The following RAB38 variants were observed in gnomAD, a reference collection of about 807,000 sequenced individuals.
RAB38 encodes RAB38, member RAS oncogene family.
A neutral mutation model predicts 18.4 loss-of-function variants in RAB38; 15 were observed. The ratio of observed to expected loss-of-function variants is 0.82; its 90% CI spans 0.55 to 1.26. RAB38 has a LOEUF of 1.26. RAB38 is among the 50% of genes most tolerant of loss of function. The pLI, the probability that RAB38 is intolerant of heterozygous loss-of-function variation, is 0.00. For missense variants in RAB38, 294 were observed against 267.4 expected (o/e 1.10, Z -0.69); for synonymous variants, 101 against 104.4 (o/e 0.97, Z 0.20).
the RAB38 span, among the ~76,000 whole-genome samples, chr11:87,974,706 C>T: frequency 6.6e-6 from 1 of 150,660 alleles, no homozygotes; most frequent in African/African-American, 2.4e-5. Context: ...AAAACCAAGC[C>T]TGCTGAAAAG....
intron 2 of RAB38, among the ~76,000 whole-genome samples, chr11:88,128,265 G>T (rs942067328): frequency 3.9e-5 from 6 of 152,118 alleles, no homozygotes; most frequent in Admixed American, 1.3e-4. Context: ...CTTTTTTCCA[G>T]ATAGAATTGA....
intron 2 of RAB38, among the ~76,000 whole-genome samples, chr11:88,114,522 C>A (rs370011620): frequency 6.6e-6 from 1 of 152,100 alleles, no homozygotes; most frequent in Non-Finnish European, 1.5e-5. Context: ...ATTTTTGTGA[C>A]CTTGATATAA....
At chr11:87,884,522 A>G in the RAB38 span, among the ~76,000 whole-genome samples, 1 of 151,934 alleles carries the variant, frequency 6.6e-6, no homozygotes, top group Non-Finnish European at 1.5e-5. Context: ...GGGCCTTCAC[A>G]TAGCAATGGG....
the RAB38 span, among the ~76,000 whole-genome samples, chr11:88,027,779 G>C: frequency 1.3e-5 from 2 of 152,228 alleles, no homozygotes; most frequent in South Asian, 4.1e-4. Context: ...TGCCTCTGTA[G>C]GCTCCACCTC....
chr11:87,914,454 G>A, the RAB38 span, among the ~76,000 whole-genome samples: 1 of 152,128 alleles, frequency 6.6e-6, no homozygotes, highest in African/African-American at 2.4e-5. Context: ...CAATAGCAAA[G>A]TCTCCAAGAA....
At chr11:88,046,167 G>A in the RAB38 span, among the ~76,000 whole-genome samples, 1 of 152,032 alleles carries the variant, frequency 6.6e-6, no homozygotes, top group African/African-American at 2.4e-5. Flanking sequence ...CCCCACTCAA[G>A]GCCAATATCC....
At chr11:88,138,399 T>TG (rs142374972) in intron 2 of RAB38, among the ~76,000 whole-genome samples, 8,609 of 152,246 alleles carry the variant, frequency 0.057, 360 homozygotes, top group Middle Eastern at 0.16. Flanking sequence ...ACTGAAAAGA[T>TG]GGGGAAGTGG....
At chr11:88,171,660 A>C (rs1020226036) in intron 1 of RAB38, among the ~76,000 whole-genome samples, 1 of 152,240 alleles carries the variant, frequency 6.6e-6, no homozygotes, top group African/African-American at 2.4e-5. Flanking sequence ...CATTCATAAG[A>C]ATAAGGGCTT....
rs745590554 is a variant in RAB38, at chr11:88,175,273, A to T, written c.112T>A (p.Tyr38Asn). The stretch of plus-strand genomic sequence containing the variant: ...AAGTCCACGCCGATTGTGGCCCGGT[A>T]GTGCGAAGAGAAGTTCTGGTGCACG... ...RYVHQNFSSHYRATIGVDFAL... is the reference protein window; with the variant it reads ...RYVHQNFSSHNRATIGVDFAL... Residue 38 changes from tyrosine to asparagine, a missense_variant, in exon 1 of 3, where the codon TAC (tyrosine) becomes AAC (asparagine). By Grantham distance (143) the Tyr-to-Asn change is moderately radical. Transcript: ENST00000243662. The T allele has an allele frequency of 3.1e-6, 5 of 1,614,076 alleles. No homozygotes were observed. In the Admixed American group the frequency reaches 8.3e-5, roughly 27 times the overall value.
chr11:87,943,466 A>G, the RAB38 span, among the ~76,000 whole-genome samples: 3 of 152,120 alleles, frequency 2.0e-5, no homozygotes, highest in Admixed American at 2.0e-4. Context: ...TTCAACAAAG[A>G]TACATAGAGG....
chr11:88,094,346 G>C, the RAB38 span, among the ~76,000 whole-genome samples: 101,034 of 151,740 alleles, frequency 0.67, 33,841 homozygotes, highest in African/African-American at 0.72. Context: ...TAGGCACATG[G>C]ATCAATTTTC....
At chr11:87,965,318 C>T in the RAB38 span, among the ~76,000 whole-genome samples, 1 of 151,458 alleles carries the variant, frequency 6.6e-6, no homozygotes, top group Non-Finnish European at 1.5e-5. Context: ...GATTACTGTG[C>T]TTGGGAAGGG....
the RAB38 span, among the ~76,000 whole-genome samples, chr11:88,043,651 CT>C: frequency 7.1e-6 from 1 of 139,862 alleles, no homozygotes; most frequent in Non-Finnish European, 1.6e-5. Context: ...TGTAATTTTC[CT>C]TTACCTACCC....
chr11:87,903,860 G>T, the RAB38 span, among the ~76,000 whole-genome samples: 1 of 150,574 alleles, frequency 6.6e-6, no homozygotes, highest in African/African-American at 2.4e-5. Context: ...TCCTTTTATT[G>T]TCAGTAGCAT....
At chr11:88,146,950 G>A (rs560629422) in intron 2 of RAB38, among the ~76,000 whole-genome samples, 1 of 152,316 alleles carries the variant, frequency 6.6e-6, no homozygotes, top group South Asian at 2.1e-4. Flanking sequence ...CAGTACCTAA[G>A]TAAGGTGGGT....
the RAB38 span, among the ~76,000 whole-genome samples, chr11:87,959,207 C>T: frequency 6.6e-6 from 1 of 152,200 alleles, no homozygotes; most frequent in African/African-American, 2.4e-5. Flanking sequence ...CATTCCGACG[C>T]ATTTAGGATA....
the RAB38 span, among the ~76,000 whole-genome samples, chr11:87,909,523 T>C: frequency 6.6e-6 from 1 of 152,056 alleles, no homozygotes; most frequent in African/African-American, 2.4e-5. Flanking sequence ...ATAGTTAAAG[T>C]GTATAATTTT....
At chr11:87,961,914 A>G in the RAB38 span, among the ~76,000 whole-genome samples, 1 of 152,184 alleles carries the variant, frequency 6.6e-6, no homozygotes, top group Non-Finnish European at 1.5e-5. Flanking sequence ...AAAATGAGAC[A>G]CTGAGGATAA....
At chr11:88,052,934 A>ATATATATAT in the RAB38 span, among the ~76,000 whole-genome samples, 2 of 25,332 alleles carry the variant, frequency 7.9e-5, no homozygotes, top group African/African-American at 1.7e-4. Context: ...ATATATATAT[A>ATATATATAT]TATATATATA....
Sources: gnomAD v4.1 joint callset for allele counts (sites outside exome capture counted in the v4.1 genomes callset) on GRCh38, gnomAD v4.1.1 for gene constraint, MANE v1.5 for transcripts, NCBI Gene and HGNC (gene_info 2026-07-23, HGNC 2026-07-21) for gene names.